Variants in MSI2 observed in about 807,000 individuals in gnomAD.
MSI2 encodes the protein musashi RNA binding protein 2.
In MSI2, 17 loss-of-function variants were observed where a neutral mutation model predicts 45.6. The observed-to-expected ratio is 0.37, with a 90% CI of 0.26 to 0.56. The LOEUF (loss-of-function observed/expected upper bound fraction) is 0.56, where lower values mean the gene tolerates loss of function less well. Ranked by LOEUF, MSI2 falls within the 20% of genes least tolerant of loss-of-function variation. The pLI is 0.77. For missense variants in MSI2, 293 were observed against 444.2 expected, an observed-to-expected ratio of 0.66 and a Z score of 3.06; for synonymous variants, 156 against 158.2, an observed-to-expected ratio of 0.99 and a Z score of 0.11.
At chr17:57,614,161 C>T (rs1005899272) in intron 8 of MSI2, among the ~76,000 whole-genome samples, 1 of 152,132 alleles carries the variant, frequency 6.6e-6, no homozygotes, top group Non-Finnish European at 1.5e-5. Flanking sequence ...AGCGATTCTT[C>T]TGCCTTAGCC....
intron 10 of MSI2, among the ~76,000 whole-genome samples, chr17:57,638,086 A>C (rs1435148328): frequency 6.6e-6 from 1 of 152,230 alleles, no homozygotes; most frequent in Non-Finnish European, 1.5e-5. Context: ...ATTACTCAGC[A>C]TGTGAAATTC....
At chr17:57,394,823 T>G (rs2083860055) in intron 5 of MSI2, among the ~76,000 whole-genome samples, 1 of 152,210 alleles carries the variant, frequency 6.6e-6, no homozygotes, top group African/African-American at 2.4e-5. Context: ...GTGGCTCTGC[T>G]GTCACCAAAA....
At chr17:57,677,937 C>G (rs1196412348) in intron 13 of MSI2, among the ~76,000 whole-genome samples, 5 of 152,090 alleles carry the variant, frequency 3.3e-5, no homozygotes, top group Non-Finnish European at 5.9e-5. Flanking sequence ...TGTGTTAGCA[C>G]GTTAAGTTTG....
intron 5 of MSI2, among the ~76,000 whole-genome samples, chr17:57,281,156 TG>T (rs1426456644): frequency 6.6e-6 from 1 of 152,090 alleles, no homozygotes; most frequent in Non-Finnish European, 1.5e-5. Flanking sequence ...TGCTAGTCTG[TG>T]TGTGCTCAAC....
At chr17:57,361,817 T>C (rs1170987858) in intron 5 of MSI2, among the ~76,000 whole-genome samples, 4 of 152,272 alleles carry the variant, frequency 2.6e-5, no homozygotes, top group Admixed American at 6.5e-5. Flanking sequence ...TTTACACTTG[T>C]GTTGTTCAAG....
At chr17:57,422,510 T>C (rs906425687) in intron 6 of MSI2, among the ~76,000 whole-genome samples, 1 of 152,080 alleles carries the variant, frequency 6.6e-6, no homozygotes, top group Non-Finnish European at 1.5e-5. Context: ...GAGGTAGGTA[T>C]TCTTTTGTCT....
chr17:57,510,707 C>T (rs535415239), intron 6 of MSI2, among the ~76,000 whole-genome samples: 118 of 152,218 alleles, frequency 7.8e-4, no homozygotes, highest in African/African-American at 2.5e-3. Context: ...GGATTACAGG[C>T]GTGAGCCACC....
chr17:57,584,724 C>T (rs969520942), intron 7 of MSI2, among the ~76,000 whole-genome samples: 5 of 150,838 alleles, frequency 3.3e-5, no homozygotes, highest in African/African-American at 1.2e-4. Context: ...TGCACCAGGG[C>T]GGGGGGCCAG....
At chr17:57,635,577 G>A (rs1481975529) in intron 10 of MSI2, among the ~76,000 whole-genome samples, 1 of 152,284 alleles carries the variant, frequency 6.6e-6, no homozygotes, top group African/African-American at 2.4e-5. Context: ...GGGGTGGCCA[G>A]GAGGCCAAGC....
chr17:57,537,325 C>T (rs1290549295), intron 7 of MSI2, among the ~76,000 whole-genome samples: 1 of 152,106 alleles, frequency 6.6e-6, no homozygotes, highest in Admixed American at 6.5e-5. Flanking sequence ...AGGGCTGTAT[C>T]CCCAGGCCCT....
intron 5 of MSI2, among the ~76,000 whole-genome samples, chr17:57,337,557 C>T (rs1436184103): frequency 6.6e-6 from 1 of 152,060 alleles, no homozygotes; most frequent in African/African-American, 2.4e-5. Flanking sequence ...GTCTCAGGGG[C>T]AGTGAGAATC....
At chr17:57,499,706 A>C (rs2086060216) in intron 6 of MSI2, among the ~76,000 whole-genome samples, 1 of 152,174 alleles carries the variant, frequency 6.6e-6, no homozygotes, top group South Asian at 2.1e-4. Context: ...TCAGGCTGGG[A>C]GCATCTCATG....
chr17:57,257,989 A>C (rs1038922599), intron 3 of MSI2, among the ~76,000 whole-genome samples: 1 of 152,150 alleles, frequency 6.6e-6, no homozygotes, highest in Non-Finnish European at 1.5e-5. Flanking sequence ...AGGGAAGGGG[A>C]GGAGGAGAGG....
At chr17:57,548,790 G>A (rs1045516692) in intron 7 of MSI2, among the ~76,000 whole-genome samples, 8 of 151,978 alleles carry the variant, frequency 5.3e-5, no homozygotes, top group Non-Finnish European at 7.4e-5. Flanking sequence ...GAGTCAGCCC[G>A]GATAACCCCA....
At chr17:57,332,757 G>A (rs1914372682) in intron 5 of MSI2, among the ~76,000 whole-genome samples, 1 of 152,228 alleles carries the variant, frequency 6.6e-6, no homozygotes, top group Non-Finnish European at 1.5e-5. Context: ...CGGGCATGGT[G>A]GCTCAAGCCT....
chr17:57,596,478 G>A lies in MSI2; in HGVS notation c.455-390G>A, dbSNP rs1441350497. On this transcript the variant is annotated intron_variant, in intron 7 of 13. Coordinates refer to ENST00000284073, the MANE Select transcript of MSI2 (RefSeq NM_138962.4). The surrounding 1 kb of genome is among the most constrained non-coding windows in gnomAD (Gnocchi z 4.6). ...TGGAGGCCGACCCGAGGGCTGGCCA[G>A]GGCTGCTCGCGGAAAGGGCAAGCGT... Among the ~76,000 whole-genome samples the A allele has an allele frequency of 6.6e-6, 1 of 152,222 alleles. No homozygotes were observed.
At chr17:57,551,556 C>T (rs185816186) in intron 7 of MSI2, among the ~76,000 whole-genome samples, 204 of 152,290 alleles carry the variant, frequency 1.3e-3, no homozygotes, top group Non-Finnish European at 1.5e-3. Flanking sequence ...TGCATGACGT[C>T]TGCCGAGCCC....
chr17:57,335,779 T>C (rs1377667765), intron 5 of MSI2, among the ~76,000 whole-genome samples: 1 of 152,096 alleles, frequency 6.6e-6, no homozygotes, highest in Non-Finnish European at 1.5e-5. Flanking sequence ...CCCTTGTGAG[T>C]GCTCTTCAGG....
At chr17:57,667,482 C>G (rs1027018784) in intron 11 of MSI2, among the ~76,000 whole-genome samples, 2 of 152,152 alleles carry the variant, frequency 1.3e-5, no homozygotes, top group Non-Finnish European at 2.9e-5. Context: ...GCAGATAGTT[C>G]ACACAAGCAG....
Sources: allele counts gnomAD v4.1 joint callset (sites outside exome capture counted in the v4.1 genomes callset), GRCh38; gene constraint gnomAD v4.1.1; non-coding constraint Gnocchi (gnomAD v3.1); transcripts MANE v1.5; gene names NCBI Gene and HGNC (gene_info 2026-07-23, HGNC 2026-07-21).